The following GDPD5 variants were observed in gnomAD, a reference collection of about 807,000 sequenced individuals.
GDPD5 encodes glycerophosphodiester phosphodiesterase 2.
In GDPD5, 48 loss-of-function variants were observed where a neutral mutation model predicts 75.1. The ratio of observed to expected loss-of-function variants is 0.64; its 90% CI spans 0.51 to 0.81. GDPD5 has a LOEUF of 0.81. GDPD5 is among the 40% of genes least tolerant of loss of function. The probability of loss-of-function intolerance (pLI) is 0.00; values close to 1 mark genes in which losing one functional copy is unlikely to be tolerated. For synonymous variants in GDPD5, 336 were observed against 339.0 expected (o/e 0.99, Z 0.10); for missense variants, 706 against 822.6 (o/e 0.86, Z 1.73).
chr11:75,462,628 C>T (rs1949438464), intron 4 of GDPD5, among the ~76,000 whole-genome samples, 158 bp downstream of exon 4: 1 of 151,848 alleles, frequency 6.6e-6, no homozygotes, highest in South Asian at 2.1e-4. Context: ...AGGACAGAGG[C>T]TCCCAGGGAG....
chr11:75,520,276 A>T lies in GDPD5; in HGVS notation c.-145+4934T>A, dbSNP rs181615458. ...GGGATGGGCAAGAAGACTCATGCTG[A>T]TGGAGTACCCACCTGTGTGCCAGGC... On this transcript the variant is annotated intron_variant, in intron 1 of 16. Transcript: ENST00000336898. Among the ~76,000 whole-genome samples the T allele has an allele frequency of 3.9e-5, 6 of 152,348 alleles. No homozygotes were observed. In the East Asian group the frequency reaches 1.2e-3, roughly 29 times the overall value.
intron 2 of GDPD5, 58 bp downstream of exon 2, chr11:75,490,179 C>G (rs1490773868): frequency 6.6e-6 from 1 of 152,186 alleles, no homozygotes; most frequent in Non-Finnish European, 1.5e-5. Context: ...AGAACCCAGT[C>G]AGCTGCCCTC....
chr11:75,477,791 T>TC lies in GDPD5; in HGVS notation c.-57_-56insG. On this transcript the variant is annotated 5_prime_UTR_variant, in exon 3 of 17. Transcript: ENST00000336898. ...TCAGGCGCCCATGGAGGCCCCCAGC[T>TC]TGTCCTGCAGGAGGAAGCACAGGGC... 7.8e-7 allele frequency: 1 copy of TC among 1,279,846 alleles called. No individual in the cohort carries two copies. Among genetic ancestry groups the TC allele is most frequent in the Non-Finnish European group, 1.1e-6 (1 of 923,974 alleles). 79.3% of individuals were successfully genotyped at this position (1,279,846 alleles called of 1,614,324 possible).
intron 16 of GDPD5, among the ~76,000 whole-genome samples, 165 bp downstream of exon 16, chr11:75,436,771 T>C (rs1445004743): frequency 6.6e-6 from 1 of 152,074 alleles, no homozygotes; most frequent in East Asian, 1.9e-4. Context: ...ACTTATGCCT[T>C]TGTATGTCTG....
intron 1 of GDPD5, among the ~76,000 whole-genome samples, chr11:75,522,595 C>T (rs1374370507): frequency 6.6e-6 from 1 of 152,056 alleles, no homozygotes; most frequent in Non-Finnish European, 1.5e-5. Context: ...ACAGAAGAGA[C>T]AGGACATCAT....
intron 1 of GDPD5, among the ~76,000 whole-genome samples, chr11:75,495,149 C>A (rs1950186953): frequency 6.6e-6 from 1 of 151,902 alleles, no homozygotes; most frequent in Admixed American, 6.6e-5. Flanking sequence ...TGCCTGTAGT[C>A]TCAGCTACTT....
chr11:75,518,794 T>C (rs953625726), intron 1 of GDPD5, among the ~76,000 whole-genome samples: 3 of 152,122 alleles, frequency 2.0e-5, no homozygotes, highest in Non-Finnish European at 2.9e-5. Flanking sequence ...TTAAGACACT[T>C]GGGGGTTCCA....
At chr11:75,448,639 T>A (rs1459491808) in intron 9 of GDPD5, 2 of 1,061,258 alleles carry the variant, frequency 1.9e-6, no homozygotes, top group Non-Finnish European at 2.3e-6. Context: ...CCTGGAGGGT[T>A]CTCCTGATGC....
intron 3 of GDPD5, among the ~76,000 whole-genome samples, chr11:75,467,889 C>T (rs1182112124): frequency 6.6e-6 from 1 of 152,198 alleles, no homozygotes; most frequent in Non-Finnish European, 1.5e-5. Flanking sequence ...TCACTGTCTC[C>T]TGAGGATGGT....
Position 75,438,730 on chromosome 11 carries a change from G to C in GDPD5, c.1556+1149C>G, listed in dbSNP as rs111968651. On this transcript the variant is annotated intron_variant, in intron 15 of 16. Coordinates refer to ENST00000336898, the MANE Select transcript of GDPD5 (RefSeq NM_030792.8). ...GGACAGTGTCAGGCCAGGGTCTCTC[G>C]GCCAGGCATATCCAGAACAGGAAGC... 159 of 153,254 alleles carry C rather than the reference G, an allele frequency of 1.0e-3. 3 individuals carry two copies. The highest frequency in any genetic ancestry group is 1.8e-3 in the Non-Finnish European group (126 of 68,686). 9.5% of individuals were successfully genotyped at this position (153,254 alleles called of 1,614,324 possible).
intron 9 of GDPD5, among the ~76,000 whole-genome samples, chr11:75,446,955 C>T (rs1949001017): frequency 6.6e-6 from 1 of 152,122 alleles, no homozygotes; most frequent in South Asian, 2.1e-4. Flanking sequence ...GCAATCTCGG[C>T]TCGCTGCAAC....
chr11:75,435,756 T>C (rs1948609856), intron 16 of GDPD5, 101 bp from the exon 17 acceptor site: 1 of 1,212,400 alleles, frequency 8.2e-7, no homozygotes, highest in Non-Finnish European at 1.1e-6. Flanking sequence ...GCGGGGCACT[T>C]GGAGGCTGAT....
At chr11:75,516,348 GTT>G (rs1400963789) in intron 1 of GDPD5, among the ~76,000 whole-genome samples, 1 of 152,204 alleles carries the variant, frequency 6.6e-6, no homozygotes, top group East Asian at 1.9e-4. Flanking sequence ...ACTATCCCGT[GTT>G]GATTTGTCAC....
Position 75,434,956 on chromosome 11 carries a change from A to G in GDPD5, c.*551T>C. On this transcript the variant is annotated 3_prime_UTR_variant, in exon 17 of 17. Coordinates refer to ENST00000336898, the MANE Select transcript of GDPD5 (RefSeq NM_030792.8). ...GGGGCAGGGGGTTGGCGGTGGCATG[A>G]GGTGGGTTGGGGAGGAGGACGTGTC... The G allele has an allele frequency of 6.5e-6, 1 of 152,974 alleles. No homozygotes were observed. Among genetic ancestry groups the G allele is most frequent in the Non-Finnish European group, 1.5e-5 (1 of 68,282 alleles). 9.5% of individuals were successfully genotyped at this position (152,974 alleles called of 1,614,324 possible).
intron 3 of GDPD5, among the ~76,000 whole-genome samples, chr11:75,466,556 C>A (rs1049516816): frequency 6.6e-6 from 1 of 152,154 alleles, no homozygotes. Context: ...TGCCTCAATG[C>A]CCCGGCCACG....
rs72989911 is a variant in GDPD5 at position 75,499,398 on chromosome 11, T to C, written c.-144-9078A>G. ...TCCTTCTTTCTTCTTCTTTTCCTTT[T>C]TTTTTTTTTTTTTTTTTTTAACTGG... is the stretch of plus-strand genomic sequence containing the variant. On this transcript the variant is annotated intron_variant, in intron 1 of 16. Coordinates refer to ENST00000336898, the MANE Select transcript of GDPD5 (RefSeq NM_030792.8). Among the ~76,000 whole-genome samples, 55 of 24,870 alleles carry C rather than the reference T, an allele frequency of 2.2e-3. 8 individuals carry two copies. The highest frequency in any genetic ancestry group is 2.8e-3 in the Non-Finnish European group (16 of 5,762). The allele number at this position is 24,870 out of a possible 152,430, so 16.3% of individuals were successfully genotyped here.
At chr11:75,502,272 C>A (rs1027928462) in intron 1 of GDPD5, among the ~76,000 whole-genome samples, 2 of 152,232 alleles carry the variant, frequency 1.3e-5, no homozygotes, top group Non-Finnish European at 2.9e-5. Context: ...AAGTTAATTT[C>A]TTCTGTGTAG....
Position 75,457,689 on chromosome 11 carries a change from G to A in GDPD5, c.315+4C>T. The A allele has an allele frequency of 6.2e-7, 1 of 1,613,836 alleles. No individual in the cohort carries two copies. The highest frequency in any genetic ancestry group is 8.5e-7 in the Non-Finnish European group (1 of 1,179,742). Reference sequence around the variant, plus strand: ...CACCTGCCCTCCAAAACAGCCCCATGTACCAGGAGGCCAGCGATGTATGCG... The same window carrying A: ...CACCTGCCCTCCAAAACAGCCCCATATACCAGGAGGCCAGCGATGTATGCG... On this transcript the variant is annotated splice_donor_region_variant and intron_variant, in intron 5 of 16. Coordinates refer to ENST00000336898, the MANE Select transcript of GDPD5 (RefSeq NM_030792.8).
chr11:75,515,206 G>A (rs932573849), intron 1 of GDPD5, among the ~76,000 whole-genome samples: 1 of 152,210 alleles, frequency 6.6e-6, no homozygotes, highest in South Asian at 2.1e-4. Context: ...GTGCTCGCTG[G>A]CAGCCAGCTG....
Sources: gnomAD v4.1 joint callset for allele counts (sites outside exome capture counted in the v4.1 genomes callset) on GRCh38, gnomAD v4.1.1 for gene constraint, MANE v1.5 for transcripts, NCBI Gene and HGNC (gene_info 2026-07-23, HGNC 2026-07-21) for gene names.